Variants in PHF2 observed in about 807,000 individuals in gnomAD.
The protein encoded by PHF2 is lysine-specific demethylase PHF2.
Under a neutral mutation model 120.5 loss-of-function variants are expected in PHF2, and 27 were observed. The ratio of observed to expected loss-of-function variants is 0.22; its 90% CI spans 0.17 to 0.31. The LOEUF (loss-of-function observed/expected upper bound fraction) is 0.31. PHF2 is among the 10% of genes least tolerant of loss of function. The pLI is 1.00. For synonymous variants in PHF2, 568 were observed against 592.5 expected (o/e 0.96, Z 0.60); for missense variants, 1,024 against 1,434.8 (o/e 0.71, Z 4.63).
chr9:93,656,095 T>A lies in PHF2; in HGVS notation c.1040+74T>A, dbSNP rs2117952873. Reference sequence around the variant, plus strand: ...TCCCTCTAGCTGGGTCGGTGCTAGATGCCTTGGGCTGAGTCCTGGCACAGC... The same window carrying A: ...TCCCTCTAGCTGGGTCGGTGCTAGAAGCCTTGGGCTGAGTCCTGGCACAGC... On this transcript the variant is annotated intron_variant, in intron 8 of 21. Coordinates refer to ENST00000359246, the MANE Select transcript of PHF2 (RefSeq NM_005392.4). The surrounding 1 kb of genome is among the most constrained non-coding windows in gnomAD (Gnocchi z 4.1). The A allele has an allele frequency of 1.6e-6, 2 of 1,251,426 alleles. No individual in the cohort carries two copies. The highest frequency in any genetic ancestry group is 2.6e-5 in the South Asian group (2 of 75,778). The allele number at this position is 1,251,426 out of a possible 1,614,324, so 77.5% of individuals were successfully genotyped here.
chr9:93,607,524 C>G (rs1044214539), intron 1 of PHF2, among the ~76,000 whole-genome samples: 6 of 144,330 alleles, frequency 4.2e-5, no homozygotes, highest in Non-Finnish European at 7.4e-5. Flanking sequence ...CTCAAGTGAT[C>G]TGCCCACCTC....
At chr9:93,596,576 T>C (rs1825336648) in intron 1 of PHF2, among the ~76,000 whole-genome samples, 1 of 151,870 alleles carries the variant, frequency 6.6e-6, no homozygotes, top group Non-Finnish European at 1.5e-5. Context: ...CGAGTGCTAC[T>C]CCTTTTTGTA....
intron 1 of PHF2, among the ~76,000 whole-genome samples, chr9:93,588,999 C>G (rs368631133): frequency 9.2e-5 from 14 of 152,188 alleles, no homozygotes; most frequent in African/African-American, 3.1e-4. Flanking sequence ...GTCCCTCTGG[C>G]CACTTGAAGG....
chr9:93,652,625 T>C (rs912581841), intron 5 of PHF2, among the ~76,000 whole-genome samples: 1 of 152,186 alleles, frequency 6.6e-6, no homozygotes, highest in Non-Finnish European at 1.5e-5. Context: ...TAACACGTTT[T>C]ATCCAGGACA....
chr9:93,666,181 G>A lies in PHF2; in HGVS notation c.2187+121G>A, dbSNP rs560994116. On this transcript the variant is annotated intron_variant, in intron 16 of 21. Coordinates refer to ENST00000359246, the MANE Select transcript of PHF2 (RefSeq NM_005392.4). ...TGTTTCTGCATGAGATGGCAAAGGGGCCCCTTACCCTCACCCCACCCTTTC... is the reference window on the plus strand; with the variant it reads ...TGTTTCTGCATGAGATGGCAAAGGGACCCCTTACCCTCACCCCACCCTTTC... 3.0e-4 allele frequency: 265 copies of A among 898,072 alleles called. 3 individuals are homozygous for A. The East Asian group carries it at 6.1e-3, about 21-fold the overall frequency. The allele number at this position is 898,072 out of a possible 1,614,324, so 55.6% of individuals were successfully genotyped here. A position where few individuals can be genotyped will look rare whatever the true frequency, so the allele number is the denominator to read the frequency against.
intron 2 of PHF2, among the ~76,000 whole-genome samples, chr9:93,634,868 C>T (rs527267694): frequency 6.6e-6 from 1 of 152,324 alleles, no homozygotes; most frequent in Non-Finnish European, 1.5e-5. Flanking sequence ...ACCTACCGCA[C>T]CAGGTGGCTT....
At chr9:93,629,035 T>A (rs1410240854) in intron 1 of PHF2, among the ~76,000 whole-genome samples, 1 of 152,150 alleles carries the variant, frequency 6.6e-6, no homozygotes, top group Non-Finnish European at 1.5e-5. Context: ...TAGCTGGGAT[T>A]ACAGGTGTGT....
chr9:93,593,612 A>G (rs1825275267), intron 1 of PHF2, among the ~76,000 whole-genome samples: 1 of 152,238 alleles, frequency 6.6e-6, no homozygotes, highest in Admixed American at 6.5e-5. Flanking sequence ...TAAAGAATGA[A>G]TATTTTAGAT....
chr9:93,589,606 C>A (rs1013047909), intron 1 of PHF2, among the ~76,000 whole-genome samples: 1 of 152,156 alleles, frequency 6.6e-6, no homozygotes, highest in African/African-American at 2.4e-5. Context: ...ACCCACCTGT[C>A]TTTTCTTATA....
chr9:93,665,636 C>T, intron 14 of PHF2, 50 bp from the exon 15 acceptor site: 1 of 1,590,842 alleles, frequency 6.3e-7, no homozygotes, highest in Non-Finnish European at 8.6e-7. Context: ...TACCTGTCCG[C>T]TGGCTGTGGG....
intron 9 of PHF2, among the ~76,000 whole-genome samples, chr9:93,657,353 G>C (rs141417948): frequency 5.9e-5 from 9 of 152,308 alleles, no homozygotes; most frequent in African/African-American, 2.2e-4. Flanking sequence ...CCAGGTTGCG[G>C]TAAGATTTTC....
intron 1 of PHF2, among the ~76,000 whole-genome samples, chr9:93,616,623 C>G (rs1335937087): frequency 6.6e-6 from 1 of 150,420 alleles, no homozygotes; most frequent in Non-Finnish European, 1.5e-5. Context: ...GAGGCCACTT[C>G]TTTTTTTTAT....
At chr9:93,632,306 G>GC (rs137888469) in intron 2 of PHF2, among the ~76,000 whole-genome samples, 3,702 of 152,288 alleles carry the variant, frequency 0.024, 164 homozygotes, top group African/African-American at 0.085. Flanking sequence ...GGGACCCCCA[G>GC]CCCCTGCCTG....
At chr9:93,635,846 C>G (rs1018753668) in intron 2 of PHF2, among the ~76,000 whole-genome samples, 1 of 152,142 alleles carries the variant, frequency 6.6e-6, no homozygotes, top group African/African-American at 2.4e-5. Context: ...GTGGGGTAGA[C>G]AGGCCCAGGG....
At chr9:93,651,905 C>T (rs1487699893) in intron 5 of PHF2, among the ~76,000 whole-genome samples, 1 of 152,168 alleles carries the variant, frequency 6.6e-6, no homozygotes, top group Non-Finnish European at 1.5e-5. Context: ...CATGAGGGCC[C>T]TTGTGGCAGG....
chr9:93,675,914 C>T, intron 20 of PHF2, 125 bp downstream of exon 20: 4 of 673,276 alleles, frequency 5.9e-6, no homozygotes, highest in Middle Eastern at 2.5e-4. Context: ...GGGGTGGTCA[C>T]AGGCTTGGGG....
intron 11 of PHF2, 76 bp downstream of exon 11, chr9:93,659,676 G>A: frequency 7.4e-7 from 1 of 1,358,922 alleles, no homozygotes; most frequent in South Asian, 1.2e-5. Context: ...TGGGTCCAGG[G>A]GCCAGCCTAA....
At chr9:93,590,446 C>T (rs1380755247) in intron 1 of PHF2, among the ~76,000 whole-genome samples, 1 of 152,180 alleles carries the variant, frequency 6.6e-6, no homozygotes, top group Non-Finnish European at 1.5e-5. Context: ...GGTGGAGCCC[C>T]ACAGAACTCC....
intron 7 of PHF2, 49 bp from the exon 8 acceptor site, chr9:93,655,885 C>G: frequency 7.2e-7 from 1 of 1,395,136 alleles, no homozygotes; most frequent in Middle Eastern, 2.1e-4. Flanking sequence ...ATGAGAAGCC[C>G]GTTCATGGGA....
Sources: gnomAD v4.1 joint callset for allele counts (sites outside exome capture counted in the v4.1 genomes callset) on GRCh38, gnomAD v4.1.1 for gene constraint, Gnocchi (gnomAD v3.1) non-coding constraint, MANE v1.5 for transcripts, NCBI Gene and HGNC (gene_info 2026-07-23, HGNC 2026-07-21) for gene names.